Variants in RXRG observed in about 807,000 individuals in gnomAD.
RXRG encodes retinoid X receptor gamma, also known as retinoic acid receptor RXR-gamma.
RXRG carries 19 observed loss-of-function variants against 49.2 expected under a neutral mutation model. The ratio of observed to expected loss-of-function variants is 0.39; its 90% CI spans 0.27 to 0.57. RXRG has a LOEUF of 0.57. Among genes scored for constraint, RXRG ranks in the 20% least tolerant of loss-of-function variants. The pLI is 0.64. For missense variants in RXRG, 452 were observed against 592.5 expected, an observed-to-expected ratio of 0.76 and a Z score of 2.46; for synonymous variants, 224 against 216.6, an observed-to-expected ratio of 1.03 and a Z score of -0.30.
rs764728266 is a variant in RXRG, at chr1:165,428,780, G to A, written c.236C>T (p.Pro79Leu). 2.5e-6 allele frequency: 4 copies of A among 1,611,784 alleles called. No individual in the cohort carries two copies. The African/African-American group carries it at 4.0e-5, about 16-fold the overall frequency. Residue 79 changes from proline (P) to leucine (L), a missense_variant, in exon 2 of 10, where the codon CCA (proline) becomes CTA (leucine). Pro to Leu is a moderately conservative substitution (Grantham distance 98). This residue lies in a region of RXRG where 166 missense variants were observed against 151.7 expected (regional missense o/e 1.09). Transcript: ENST00000359842. ...AGGCGCTGCAAGTGCTCCTGAGGGT[G>A]GGCCCATGGCAGAGGTGATGACTCG... ...PYRVITSAMG[P>L]PSGALAAPPG...
chr1:165,437,037 G>A, intron 1 of RXRG: 2 of 1,246,144 alleles, frequency 1.6e-6, no homozygotes, highest in Middle Eastern at 2.3e-4. Context: ...TGGTTGCCTG[G>A]GTTTCATTTC....
intron 1 of RXRG, among the ~76,000 whole-genome samples, chr1:165,434,155 A>G (rs1296548089): frequency 6.6e-6 from 1 of 152,186 alleles, no homozygotes; most frequent in Non-Finnish European, 1.5e-5. Context: ...AGGTCCATTA[A>G]TTTTTTGTTA....
At chr1:165,434,144 G>A (rs1658757993) in intron 1 of RXRG, among the ~76,000 whole-genome samples, 1 of 152,170 alleles carries the variant, frequency 6.6e-6, no homozygotes, top group African/African-American at 2.4e-5. Flanking sequence ...CTGAGACTAT[G>A]AGGTCCATTA....
intron 1 of RXRG, among the ~76,000 whole-genome samples, chr1:165,437,887 G>T (rs1047887212): frequency 6.6e-6 from 1 of 152,192 alleles, no homozygotes; most frequent in Non-Finnish European, 1.5e-5. Flanking sequence ...GGCTGGGAAA[G>T]GTGGTGTGCA....
At chr1:165,425,899 G>A (rs1405335862) in intron 2 of RXRG, among the ~76,000 whole-genome samples, 1 of 152,192 alleles carries the variant, frequency 6.6e-6, no homozygotes, top group African/African-American at 2.4e-5. Context: ...TTTAATCCTT[G>A]GCTGCCAACA....
At chr1:165,436,965 A>G in intron 1 of RXRG, 1 of 1,133,606 alleles carries the variant, frequency 8.8e-7, no homozygotes, top group Non-Finnish European at 1.1e-6. Flanking sequence ...AAGCATTTAC[A>G]AGATGTCAGA....
At chr1:165,436,922 A>C in intron 1 of RXRG, 2 of 1,109,322 alleles carry the variant, frequency 1.8e-6, no homozygotes, top group Non-Finnish European at 2.2e-6. Flanking sequence ...AAACTTGAAA[A>C]GTGGAAAAGC....
At chr1:165,414,060 A>G (rs1383077763) in intron 4 of RXRG, among the ~76,000 whole-genome samples, 2 of 152,226 alleles carry the variant, frequency 1.3e-5, no homozygotes, top group Admixed American at 6.5e-5. Context: ...AATCAAGACC[A>G]GAAATGATGG....
At chr1:165,421,959 G>A (rs532925105) in intron 2 of RXRG, among the ~76,000 whole-genome samples, 2 of 152,288 alleles carry the variant, frequency 1.3e-5, no homozygotes, top group South Asian at 2.1e-4. Context: ...ATTAGCACTT[G>A]GATCCGACTC....
chr1:165,437,154 G>A (rs1334869836), intron 1 of RXRG: 13 of 1,367,788 alleles, frequency 9.5e-6, no homozygotes, highest in Non-Finnish European at 1.3e-5. Context: ...TGTTTTCACA[G>A]CCCTAGCGAT....
At chr1:165,431,428 T>C (rs1368740948) in intron 1 of RXRG, among the ~76,000 whole-genome samples, 1 of 152,220 alleles carries the variant, frequency 6.6e-6, no homozygotes, top group Non-Finnish European at 1.5e-5. Context: ...GAGGCCAATG[T>C]ATACCTTGAG....
chr1:165,409,799 A>T, intron 6 of RXRG, 109 bp from the exon 7 acceptor site: 1 of 1,047,232 alleles, frequency 9.5e-7, no homozygotes, highest in Non-Finnish European at 1.3e-6. Flanking sequence ...CAGAATTGAC[A>T]ATCTAGGGAG....
intron 4 of RXRG, 46 bp from the exon 5 acceptor site, chr1:165,411,155 A>G (rs1175263859): frequency 6.3e-7 from 1 of 1,582,682 alleles, no homozygotes; most frequent in East Asian, 2.2e-5. Flanking sequence ...TGCCCAGGAC[A>G]ACAGTGGGAA....
intron 2 of RXRG, among the ~76,000 whole-genome samples, chr1:165,427,093 T>C (rs1658509790): frequency 6.6e-6 from 1 of 152,166 alleles, no homozygotes; most frequent in African/African-American, 2.4e-5. Flanking sequence ...TAAATGTTCA[T>C]CTCATCCAAA....
intron 6 of RXRG, among the ~76,000 whole-genome samples, 185 bp downstream of exon 6, chr1:165,410,517 G>C (rs961494621): frequency 1.3e-5 from 2 of 152,174 alleles, no homozygotes; most frequent in Non-Finnish European, 2.9e-5. Context: ...ATTTGCATGG[G>C]AAAAGAGTCC....
rs1306648343 is a variant in RXRG at position 165,445,067 on chromosome 1, G to A, written c.-174C>T. On this transcript the variant is annotated 5_prime_UTR_variant, in exon 1 of 10. Transcript: ENST00000359842. ...GCCCTCTGGGATTAGTCAGGAATCT[G>A]CCTCTAGATCGGAGAGTCCACATAG... The A allele has an allele frequency of 3.2e-6, 2 of 627,614 alleles. No homozygotes were observed. The highest frequency in any genetic ancestry group is 5.8e-6 in the Non-Finnish European group (2 of 347,318). The allele number at this position is 627,614 out of a possible 1,614,324, so 38.9% of individuals were successfully genotyped here.
intron 4 of RXRG, among the ~76,000 whole-genome samples, chr1:165,412,240 CA>C (rs1657977618): frequency 6.6e-6 from 1 of 152,094 alleles, no homozygotes; most frequent in Non-Finnish European, 1.5e-5. Context: ...AGTATGACTG[CA>C]AAAACACAAC....
chr1:165,422,496 G>T (rs1240596296), intron 2 of RXRG, among the ~76,000 whole-genome samples: 5 of 51,030 alleles, frequency 9.8e-5, no homozygotes, highest in African/African-American at 2.2e-4. Flanking sequence ...GAGCTGGGAC[G>T]ACAGCCTTCA....
At chr1:165,444,357 G>C (rs114062783) in intron 1 of RXRG, among the ~76,000 whole-genome samples, 3,015 of 152,242 alleles carry the variant, frequency 0.02, 98 homozygotes, top group African/African-American at 0.069. Flanking sequence ...CCAATTAAAG[G>C]GAAATCTGCT....
Sources: gnomAD v4.1 joint callset for allele counts (sites outside exome capture counted in the v4.1 genomes callset) on GRCh38, gnomAD v4.1.1 for gene constraint, gnomAD v4.1.1 regional missense constraint, MANE v1.5 for transcripts, NCBI Gene and HGNC (gene_info 2026-07-23, HGNC 2026-07-21) for gene names.